Variants in CTNNA2 observed in about 807,000 individuals in gnomAD.
The protein encoded by CTNNA2 is catenin alpha-2.
Under a neutral mutation model 101.0 loss-of-function variants are expected in CTNNA2, and 42 were observed. The observed-to-expected ratio is 0.42, with a 90% CI of 0.32 to 0.54. The LOEUF is 0.54. Among genes scored for constraint, CTNNA2 ranks in the 20% least tolerant of loss-of-function variants. The probability of loss-of-function intolerance (pLI) is 0.14; values close to 1 mark genes in which losing one functional copy is unlikely to be tolerated. For missense variants in CTNNA2, 871 were observed against 1,223.1 expected (o/e 0.71, Z 4.29); for synonymous variants, 450 against 456.4 (o/e 0.99, Z 0.18).
intron 2 of CTNNA2, among the ~76,000 whole-genome samples, chr2:79,729,470 AC>A (rs1359938005): frequency 2.0e-5 from 3 of 152,082 alleles, no homozygotes; most frequent in African/African-American, 7.2e-5. Flanking sequence ...GCTTCCTCTC[AC>A]TGACATTTCA....
intron 1 of CTNNA2, among the ~76,000 whole-genome samples, chr2:79,618,781 G>T (rs188370840): frequency 1.4e-4 from 22 of 152,310 alleles, no homozygotes; most frequent in African/African-American, 4.8e-4. Context: ...AGAGAAAATG[G>T]AGTAGGAGTA....
intron 7 of CTNNA2, among the ~76,000 whole-genome samples, chr2:80,007,922 C>T (rs1693490165): frequency 6.6e-6 from 1 of 152,170 alleles, no homozygotes; most frequent in Admixed American, 6.5e-5. Context: ...TCCTCAACCT[C>T]TCCTCAGTTT....
rs556830000 is a variant in CTNNA2, at chr2:79,342,203, G to A, written c.-318+29407G>A. On this transcript the variant is annotated intron_variant, in intron 3 of 21. Coordinates refer to the CTNNA2 transcript ENST00000466387. The stretch of plus-strand genomic sequence containing the variant: ...AACATAAAGCTGAGATGGAAAGTAC[G>A]GAGGTATTGAGGTAAATATAGGCTC... 1.4e-4 allele frequency among the ~76,000 whole-genome samples: 21 copies of A among 152,278 alleles called. No individual in the cohort carries two copies. The South Asian group carries it at 2.3e-3, about 17-fold the overall frequency.
chr2:79,353,973 T>C (rs956711743), intron 3 of CTNNA2, among the ~76,000 whole-genome samples: 2 of 152,206 alleles, frequency 1.3e-5, no homozygotes, highest in African/African-American at 4.8e-5. Flanking sequence ...GGAATTTCTT[T>C]TTTTTTAAGG....
intron 7 of CTNNA2, among the ~76,000 whole-genome samples, chr2:80,232,341 G>C (rs57774270): frequency 1.2e-5 from 1 of 82,062 alleles, no homozygotes; most frequent in African/African-American, 3.3e-5. Context: ...TTGTTTGTTT[G>C]TTTGTTTTTT....
chr2:79,651,305 T>C lies in CTNNA2; in HGVS notation c.-5-247T>C, dbSNP rs187593117. On this transcript the variant is annotated intron_variant, in intron 1 of 18. Coordinates refer to ENST00000402739, the MANE Select transcript of CTNNA2 (RefSeq NM_001282597.3). ...AGTAAATGAAATATTTCAGTGGCTATTGGGTCCCAAAAGCAGGCCTAAGGT... is the reference window on the plus strand; with the variant it reads ...AGTAAATGAAATATTTCAGTGGCTACTGGGTCCCAAAAGCAGGCCTAAGGT... Among the ~76,000 whole-genome samples, 492 of 152,302 alleles carry C rather than the reference T, an allele frequency of 3.2e-3. 2 individuals carry two copies. The highest frequency in any genetic ancestry group is 0.011 in the African/African-American group (475 of 41,572).
rs532480599 is a variant in CTNNA2 at position 79,706,427 on chromosome 2, A to T, written c.103-37960A>T. ...ATTCCCGATTTGCCTACAACAGGTT[A>T]CTTGAGGGTAAATGTGGGTTTGGGG... On this transcript the variant is annotated intron_variant, in intron 2 of 18. Transcript: ENST00000402739. 2.3e-3 allele frequency among the ~76,000 whole-genome samples: 354 copies of T among 151,498 alleles called. 2 individuals are homozygous for T. The highest frequency in any genetic ancestry group is 8.3e-3 in the African/African-American group (342 of 41,298).
chr2:80,610,064 G>A (rs1698331525), intron 17 of CTNNA2, among the ~76,000 whole-genome samples: 1 of 151,714 alleles, frequency 6.6e-6, no homozygotes, highest in Non-Finnish European at 1.5e-5. Flanking sequence ...ATGGGAGAAG[G>A]CTTCTTTTAG....
intron 9 of CTNNA2, among the ~76,000 whole-genome samples, chr2:80,543,849 G>A (rs562532283): frequency 1.3e-5 from 2 of 152,110 alleles, no homozygotes; most frequent in African/African-American, 4.8e-5. Flanking sequence ...AAAGGCAGGC[G>A]GCCACAAGAC....
At chr2:79,338,924 T>C (rs1677067999) in intron 3 of CTNNA2, among the ~76,000 whole-genome samples, 1 of 152,096 alleles carries the variant, frequency 6.6e-6, no homozygotes, top group African/African-American at 2.4e-5. Context: ...ATATGGACCT[T>C]GGGCTTGCTT....
chr2:79,233,533 G>T (rs533474248), intron 2 of CTNNA2, among the ~76,000 whole-genome samples: 58 of 152,216 alleles, frequency 3.8e-4, no homozygotes, highest in African/African-American at 1.4e-3. Context: ...TTCCATACTT[G>T]TTGGGTGAAG....
At chr2:79,907,972 A>G (rs1316932836) in intron 6 of CTNNA2, among the ~76,000 whole-genome samples, 1 of 152,156 alleles carries the variant, frequency 6.6e-6, no homozygotes, top group South Asian at 2.1e-4. Flanking sequence ...GGAGATTTGC[A>G]TTTTAACAGG....
At chr2:80,638,966 T>C (rs556070898) in intron 18 of CTNNA2, among the ~76,000 whole-genome samples, 2 of 152,304 alleles carry the variant, frequency 1.3e-5, no homozygotes, top group South Asian at 2.1e-4. Context: ...AGCCATTCCA[T>C]ACAGATTTCC....
At chr2:80,271,421 CT>C (rs201098852) in intron 7 of CTNNA2, among the ~76,000 whole-genome samples, 15,643 of 139,662 alleles carry the variant, frequency 0.11, 1,857 homozygotes, top group African/African-American at 0.31. Context: ...TATCCTCAGT[CT>C]TTTTTTTTTT....
At chr2:79,545,842 A>G (rs1439927857) in intron 1 of CTNNA2, among the ~76,000 whole-genome samples, 1 of 152,240 alleles carries the variant, frequency 6.6e-6, no homozygotes, top group African/African-American at 2.4e-5. Context: ...TACTTATAAT[A>G]TGAATAAATA....
intron 7 of CTNNA2, among the ~76,000 whole-genome samples, chr2:79,991,637 C>T (rs1181528978): frequency 6.6e-6 from 1 of 152,184 alleles, no homozygotes; most frequent in Non-Finnish European, 1.5e-5. Context: ...TGTTTGTACT[C>T]ATCTTAATTT....
chr2:79,239,861 CGAAA>C (rs1558583568), intron 2 of CTNNA2, among the ~76,000 whole-genome samples: 1 of 151,188 alleles, frequency 6.6e-6, no homozygotes, highest in African/African-American at 2.4e-5. Flanking sequence ...ATGTTTAGGG[CGAAA>C]GAAAGAAGGA....
chr2:79,264,445 A>G (rs1036224526), intron 2 of CTNNA2, among the ~76,000 whole-genome samples: 4 of 152,206 alleles, frequency 2.6e-5, no homozygotes, highest in African/African-American at 9.6e-5. Context: ...ATTTTAATAA[A>G]TGATTGAGCA....
chr2:80,602,808 A>G (rs1697663744), intron 15 of CTNNA2, among the ~76,000 whole-genome samples: 2 of 152,052 alleles, frequency 1.3e-5, no homozygotes, highest in African/African-American at 4.8e-5. Flanking sequence ...CGTCACTACA[A>G]CAAAATGAAA....
Sources: gnomAD v4.1 joint callset for allele counts (sites outside exome capture counted in the v4.1 genomes callset) on GRCh38, gnomAD v4.1.1 for gene constraint, MANE v1.5 for transcripts, NCBI Gene and HGNC (gene_info 2026-07-23, HGNC 2026-07-21) for gene names.